Variants in TBC1D5 observed in about 807,000 individuals in gnomAD.
TBC1D5 encodes the protein TBC1 domain family member 5, also known as TBC1 domain family, member 5.
A neutral mutation model predicts 100.3 loss-of-function variants in TBC1D5; 75 were observed. The ratio of observed to expected loss-of-function variants is 0.75; its 90% confidence interval spans 0.62 to 0.91. The LOEUF is 0.91. Ranked by LOEUF, TBC1D5 falls within the 40% of genes least tolerant of loss-of-function variation. The pLI is 0.00. For missense variants in TBC1D5, 910 were observed against 942.4 expected (o/e 0.97, Z 0.45); for synonymous variants, 323 against 325.6 (o/e 0.99, Z 0.09).
intron 1 of TBC1D5, among the ~76,000 whole-genome samples, chr3:17,710,495 C>T (rs1225772542): frequency 6.6e-6 from 1 of 151,686 alleles, no homozygotes; most frequent in Non-Finnish European, 1.5e-5. Context: ...ACCCGGGAGG[C>T]GGAGGTTGCA....
At chr3:17,282,992 A>G (rs1424890282) in intron 15 of TBC1D5, among the ~76,000 whole-genome samples, 1 of 152,352 alleles carries the variant, frequency 6.6e-6, no homozygotes, top group East Asian at 1.9e-4. Flanking sequence ...ACTCTGGATA[A>G]AGAACGGCCA....
chr3:17,719,058 C>CA (rs1560547253), intron 1 of TBC1D5, among the ~76,000 whole-genome samples: 1 of 152,072 alleles, frequency 6.6e-6, no homozygotes, highest in South Asian at 2.1e-4. Flanking sequence ...AACTAAATTA[C>CA]AAAAAAGATT....
intron 2 of TBC1D5, chr3:17,546,922 CATA>C (rs1417395964): frequency 2.6e-5 from 4 of 152,088 alleles, no homozygotes; most frequent in African/African-American, 9.7e-5. Flanking sequence ...CTACTTTATA[CATA>C]ACATTCTAGA....
chr3:17,344,523 A>C (rs201043689), intron 13 of TBC1D5, among the ~76,000 whole-genome samples: 1 of 151,836 alleles, frequency 6.6e-6, no homozygotes, highest in South Asian at 2.1e-4. Flanking sequence ...TGCCATCCCC[A>C]TCAAGCTACC....
chr3:17,358,040 A>C (rs915535506), intron 13 of TBC1D5, among the ~76,000 whole-genome samples: 1 of 152,080 alleles, frequency 6.6e-6, no homozygotes, highest in Non-Finnish European at 1.5e-5. Context: ...ACCTCCCCCC[A>C]CAACTCACTC....
At chr3:17,681,845 G>A (rs957834368) in intron 1 of TBC1D5, among the ~76,000 whole-genome samples, 1 of 151,490 alleles carries the variant, frequency 6.6e-6, no homozygotes, top group Non-Finnish European at 1.5e-5. Flanking sequence ...CTGTATTTAC[G>A]GCCGCTCCTC....
At chr3:17,255,807 G>A (rs1039544258) in intron 16 of TBC1D5, among the ~76,000 whole-genome samples, 2 of 152,112 alleles carry the variant, frequency 1.3e-5, no homozygotes, top group Non-Finnish European at 2.9e-5. Context: ...GGGAGGCTGA[G>A]GTGGGCAGAT....
At chr3:17,544,620 C>A (rs1041998854) in intron 2 of TBC1D5, among the ~76,000 whole-genome samples, 1 of 136,360 alleles carries the variant, frequency 7.3e-6, no homozygotes, top group South Asian at 2.3e-4. Flanking sequence ...CACTGCACTA[C>A]AACCTGGGCG....
At chr3:17,379,265 T>C (rs1278907983) in intron 9 of TBC1D5, among the ~76,000 whole-genome samples, 1 of 152,040 alleles carries the variant, frequency 6.6e-6, no homozygotes, top group Non-Finnish European at 1.5e-5. Context: ...ATCCAAAAAT[T>C]TGCAGAACTG....
At chr3:17,191,686 G>T (rs542188496) in intron 18 of TBC1D5, among the ~76,000 whole-genome samples, 6 of 151,972 alleles carry the variant, frequency 3.9e-5, no homozygotes, top group Admixed American at 3.9e-4. Context: ...GTGTGATCTT[G>T]GCTCACTGCA....
At chr3:17,244,827 A>G (rs917615230) in intron 16 of TBC1D5, among the ~76,000 whole-genome samples, 3 of 152,112 alleles carry the variant, frequency 2.0e-5, no homozygotes, top group African/African-American at 7.2e-5. Flanking sequence ...GAGTTGCAAC[A>G]TAATACTTTC....
intron 18 of TBC1D5, among the ~76,000 whole-genome samples, chr3:17,208,538 C>T (rs2072539676): frequency 1.3e-5 from 2 of 152,220 alleles, no homozygotes. Context: ...AAAACTATTA[C>T]TTGGAAAACC....
chr3:17,345,308 CA>C (rs1337408126), intron 13 of TBC1D5, among the ~76,000 whole-genome samples: 1 of 152,158 alleles, frequency 6.6e-6, no homozygotes, highest in African/African-American at 2.4e-5. Context: ...AGCCAAAAGA[CA>C]CATGAAAAAA....
At chr3:17,188,287 G>A (rs1273919547) in intron 18 of TBC1D5, among the ~76,000 whole-genome samples, 2 of 152,198 alleles carry the variant, frequency 1.3e-5, no homozygotes, top group African/African-American at 4.8e-5. Flanking sequence ...AAATTTCCAA[G>A]TTTTCAATTT....
intron 18 of TBC1D5, among the ~76,000 whole-genome samples, chr3:17,200,102 T>C (rs2071273264): frequency 6.6e-6 from 1 of 152,216 alleles, no homozygotes; most frequent in African/African-American, 2.4e-5. Flanking sequence ...TCTTTTCAAA[T>C]ATAGCCTATA....
At chr3:17,524,471 A>G (rs1467863428) in intron 2 of TBC1D5, 1 of 152,222 alleles carries the variant, frequency 6.6e-6, no homozygotes, top group African/African-American at 2.4e-5. Flanking sequence ...GTTGATTGTA[A>G]TAGTGAAAAA....
At chr3:17,600,652 G>A (rs1032143857) in intron 2 of TBC1D5, among the ~76,000 whole-genome samples, 1 of 152,060 alleles carries the variant, frequency 6.6e-6, no homozygotes, top group Non-Finnish European at 1.5e-5. Flanking sequence ...GATGTCATAT[G>A]ACAAGACTTT....
At chr3:17,169,266 G>A (rs2066938035) in intron 19 of TBC1D5, among the ~76,000 whole-genome samples, 1 of 152,128 alleles carries the variant, frequency 6.6e-6, no homozygotes, top group South Asian at 2.1e-4. Flanking sequence ...AATAATGCCT[G>A]GTGCATTACA....
chr3:17,650,363 G>A (rs1200751826), intron 1 of TBC1D5, among the ~76,000 whole-genome samples: 1 of 152,064 alleles, frequency 6.6e-6, no homozygotes, highest in Non-Finnish European at 1.5e-5. Flanking sequence ...AAGAAATGGG[G>A]TAGAGGTGGT....
Sources: allele counts gnomAD v4.1 joint callset (sites outside exome capture counted in the v4.1 genomes callset), GRCh38; gene constraint gnomAD v4.1.1; transcripts MANE v1.5; gene names NCBI Gene and HGNC (gene_info 2026-07-23, HGNC 2026-07-21).